The following ASXL3 variants were observed in gnomAD, a reference collection of about 807,000 sequenced individuals.
ASXL3 encodes the protein putative Polycomb group protein ASXL3.
A neutral mutation model predicts 170.6 loss-of-function variants in ASXL3; 34 were observed. The ratio of observed to expected loss-of-function variants is 0.20; its 90% CI spans 0.15 to 0.27. The LOEUF (loss-of-function observed/expected upper bound fraction) is 0.27. Ranked by LOEUF, ASXL3 falls within the 10% of genes least tolerant of loss-of-function variation. The pLI is 1.00. For missense variants in ASXL3, 2,592 were observed against 2,695.3 expected (o/e 0.96, Z 0.85); for synonymous variants, 1,002 against 989.1 (o/e 1.01, Z -0.24).
At chr18:33,639,899 A>C (rs2145190115) in intron 2 of ASXL3, among the ~76,000 whole-genome samples, 1 of 152,292 alleles carries the variant, frequency 6.6e-6, no homozygotes, top group East Asian at 1.9e-4. Flanking sequence ...AACATATATT[A>C]TTTGATAAAT....
rs1232568119 is a variant in ASXL3 at position 33,740,155 on chromosome 18, A to C, written c.2751A>C (p.Ser917=). The change falls in exon 11 of 12, where the codon TCA becomes TCC. Residue 917 remains serine, a synonymous_variant. Coordinates refer to ENST00000269197, the MANE Select transcript of ASXL3 (RefSeq NM_030632.3). The part of the protein sequence containing the change: ...YISSVDKAPF[S]EGSRNKTHKQ... ...CATCAGTGGATAAGGCTCCATTTTC[A>C]GAAGGCTCTAGAAATAAAACACATA... The C allele has an allele frequency of 6.2e-7, 1 of 1,613,830 alleles. No homozygotes were observed. The highest frequency in any genetic ancestry group is 8.5e-7 in the Non-Finnish European group (1 of 1,179,894).
intron 2 of ASXL3, among the ~76,000 whole-genome samples, chr18:33,623,671 G>C (rs1487169223): frequency 2.0e-5 from 3 of 152,000 alleles, no homozygotes; most frequent in Non-Finnish European, 4.4e-5. Flanking sequence ...GCAGTATTTT[G>C]GCATACTGGT....
Position 33,747,761 on chromosome 18 carries a change from A to T in ASXL3, c.*1166A>T, listed in dbSNP as rs1568371736. On this transcript the variant is annotated 3_prime_UTR_variant, in exon 12 of 12. Transcript: ENST00000269197. The stretch of plus-strand genomic sequence containing the variant: ...TATTTTGAAAAAAACTGTTCTAGGT[A>T]TGGCATGTTTTGTTTTTTCCCTCAG... The T allele has an allele frequency of 6.6e-6, 1 of 152,222 alleles. No individual in the cohort carries two copies. Among genetic ancestry groups the T allele is most frequent in the Non-Finnish European group, 1.5e-5 (1 of 68,036 alleles). The allele number at this position is 152,222 out of a possible 1,614,324, so 9.4% of individuals were successfully genotyped here. A position where few individuals can be genotyped will look rare whatever the true frequency, so the allele number is the denominator to read the frequency against.
intron 2 of ASXL3, among the ~76,000 whole-genome samples, chr18:33,610,062 T>C (rs150243665): frequency 3.3e-3 from 506 of 152,142 alleles, no homozygotes; most frequent in African/African-American, 0.011. Flanking sequence ...AGTTTAGGAC[T>C]GTCCTGTATG....
chr18:33,606,461 A>G (rs929934585), intron 1 of ASXL3, among the ~76,000 whole-genome samples: 1 of 151,984 alleles, frequency 6.6e-6, no homozygotes, highest in African/African-American at 2.4e-5. Context: ...ACACTGAGGG[A>G]CCTTGATGAA....
At chr18:33,710,969 G>A (rs1461139226) in intron 8 of ASXL3, among the ~76,000 whole-genome samples, 1 of 152,048 alleles carries the variant, frequency 6.6e-6, no homozygotes, top group Admixed American at 6.6e-5. Flanking sequence ...GTTGCCTTAT[G>A]AATATAATTG....
chr18:33,616,568 T>C (rs1400642093), intron 2 of ASXL3: 2 of 152,216 alleles, frequency 1.3e-5, no homozygotes, highest in Non-Finnish European at 2.9e-5. Context: ...GGACTCTTAA[T>C]TACTATTAAG....
At chr18:33,628,096 G>T (rs1276967591) in intron 2 of ASXL3, among the ~76,000 whole-genome samples, 1 of 152,144 alleles carries the variant, frequency 6.6e-6, no homozygotes, top group Non-Finnish European at 1.5e-5. Context: ...ACTGAGCCAA[G>T]CAGTTTCTAT....
At position 33,671,800 on chromosome 18, in the gene ASXL3, G is replaced by C. The variant is rs1174952863; in HGVS notation, c.649G>C (p.Gly217Arg). Reference protein sequence around the residue: ...ADSSDKEMKHGQKSPTGKQTS... With the variant: ...ADSSDKEMKHRQKSPTGKQTS... Reference sequence around the variant, plus strand: ...CAGTTCAGATAAAGAAATGAAACATGGGCAAAAATCTCCCACTGGAAAACA... The same window carrying C: ...CAGTTCAGATAAAGAAATGAAACATCGGCAAAAATCTCCCACTGGAAAACA... The change falls in exon 7 of 12, where the codon GGG becomes CGG. Residue 217 changes from glycine (G) to arginine (R), a missense_variant. By Grantham distance (125) the Gly-to-Arg change is moderately radical (BLOSUM62 -2). Coordinates refer to ENST00000269197, the MANE Select transcript of ASXL3 (RefSeq NM_030632.3). 6.2e-7 allele frequency: 1 copy of C among 1,610,948 alleles called. No homozygotes were observed. Among genetic ancestry groups the C allele is most frequent in the Non-Finnish European group, 8.5e-7 (1 of 1,178,274 alleles).
chr18:33,623,792 G>A (rs1246453243), intron 2 of ASXL3, among the ~76,000 whole-genome samples: 1 of 152,048 alleles, frequency 6.6e-6, no homozygotes, highest in African/African-American at 2.4e-5. Context: ...TCTTTATTCA[G>A]ATTCCATGAC....
chr18:33,615,573 C>T (rs2065409725), intron 2 of ASXL3, among the ~76,000 whole-genome samples: 1 of 152,106 alleles, frequency 6.6e-6, no homozygotes, highest in African/African-American at 2.4e-5. Context: ...TGCAGGGTTG[C>T]CTCAAACTTG....
chr18:33,706,371 A>G (rs953941497), intron 8 of ASXL3, among the ~76,000 whole-genome samples: 3 of 151,726 alleles, frequency 2.0e-5, no homozygotes, highest in African/African-American at 7.2e-5. Context: ...TATGACTACA[A>G]GTCTAATTGT....
chr18:33,640,216 G>A (rs899035566), intron 2 of ASXL3, among the ~76,000 whole-genome samples: 4 of 151,788 alleles, frequency 2.6e-5, no homozygotes, highest in Admixed American at 1.3e-4. Context: ...AGATCATTTT[G>A]TATTGGAATT....
chr18:33,721,340 G>A (rs2067255928), intron 8 of ASXL3, among the ~76,000 whole-genome samples: 1 of 151,796 alleles, frequency 6.6e-6, no homozygotes, highest in Non-Finnish European at 1.5e-5. Context: ...TGGTTGGATT[G>A]GCTAAAAATT....
intron 1 of ASXL3, among the ~76,000 whole-genome samples, chr18:33,586,992 A>G (rs759355690): frequency 2.8e-4 from 42 of 152,100 alleles, no homozygotes; most frequent in Non-Finnish European, 4.1e-4. Flanking sequence ...CTCCTCCTCT[A>G]TTCATTCACT....
chr18:33,750,963 GT>G lies in ASXL3; in HGVS notation c.*4372del, dbSNP rs1449395366. The G allele has an allele frequency of 1.3e-5, 2 of 152,148 alleles. No homozygotes were observed. The highest frequency in any genetic ancestry group is 2.9e-5 in the Non-Finnish European group (2 of 68,010). 9.4% of individuals were successfully genotyped at this position (152,148 alleles called of 1,614,324 possible). A position where few individuals can be genotyped will look rare whatever the true frequency, so the allele number is the denominator to read the frequency against. On this transcript the variant is annotated 3_prime_UTR_variant, in exon 12 of 12. Transcript: ENST00000269197. ...GCATTTAAGAAAATTTTTAGACAGT[GT>G]TTTGTTTAGAATTCAGGGATCATGC...
At chr18:33,680,176 T>A (rs1463734995) in intron 7 of ASXL3, among the ~76,000 whole-genome samples, 1 of 152,102 alleles carries the variant, frequency 6.6e-6, no homozygotes, top group Non-Finnish European at 1.5e-5. Context: ...TCAAATACTT[T>A]ATAATTTCCG....
chr18:33,624,522 A>G (rs1448722171), intron 2 of ASXL3, among the ~76,000 whole-genome samples: 1 of 152,030 alleles, frequency 6.6e-6, no homozygotes, highest in African/African-American at 2.4e-5. Flanking sequence ...TTCTGAATGT[A>G]TGATATTGAT....
chr18:33,608,843 C>T (rs2065290327), intron 2 of ASXL3, among the ~76,000 whole-genome samples: 1 of 151,990 alleles, frequency 6.6e-6, no homozygotes. Flanking sequence ...ACTCCTGTAA[C>T]TTTAATGTGT....
Sources: gnomAD v4.1 joint callset for allele counts (sites outside exome capture counted in the v4.1 genomes callset) on GRCh38, gnomAD v4.1.1 for gene constraint, MANE v1.5 for transcripts, NCBI Gene and HGNC (gene_info 2026-07-23, HGNC 2026-07-21) for gene names.